OR51B5: variants seen among roughly 807,000 people sequenced by gnomAD.
The protein encoded by OR51B5 is olfactory receptor 51B5.
For missense variants in OR51B5, 456 were observed against 374.6 expected (o/e 1.22, Z -1.79); for synonymous variants, 186 against 144.8 (o/e 1.28, Z -2.04).
At chr11:5,358,205 C>G (rs1468095783) in intron 1 of OR51B5, among the ~76,000 whole-genome samples, 2 of 152,114 alleles carry the variant, frequency 1.3e-5, no homozygotes. Context: ...AATCCAGAAG[C>G]TGGTTTTTCA....
intron 1 of OR51B5, among the ~76,000 whole-genome samples, chr11:5,504,892 GCAAGGATTC>G (rs1379389005): frequency 6.6e-6 from 1 of 152,180 alleles, no homozygotes; most frequent in Non-Finnish European, 1.5e-5. Context: ...TGAAGCTAGA[GCAAGGATTC>G]CAAGCACCCA....
At chr11:5,365,837 G>A (rs771635694) in intron 1 of OR51B5, among the ~76,000 whole-genome samples, 1 of 152,168 alleles carries the variant, frequency 6.6e-6, no homozygotes, top group Non-Finnish European at 1.5e-5. Flanking sequence ...GTGCTGGCTT[G>A]ATGACAGGAT....
At chr11:5,441,714 C>G (rs564451625) in intron 1 of OR51B5, among the ~76,000 whole-genome samples, 64 of 152,286 alleles carry the variant, frequency 4.2e-4, no homozygotes, top group Non-Finnish European at 7.8e-4. Flanking sequence ...GCCCTGCTCA[C>G]TATCTAGGCC....
intron 1 of OR51B5, chr11:5,391,273 A>G (rs1849791712): frequency 6.6e-6 from 1 of 152,202 alleles, no homozygotes; most frequent in African/African-American, 2.4e-5. Context: ...TTGCTTCCTC[A>G]AGGACATTTT....
chr11:5,359,073 A>G (rs1222656525), intron 1 of OR51B5, among the ~76,000 whole-genome samples: 1 of 152,208 alleles, frequency 6.6e-6, no homozygotes, highest in Non-Finnish European at 1.5e-5. Flanking sequence ...ATTCCCTTTG[A>G]AAACTGGCAC....
intron 1 of OR51B5, among the ~76,000 whole-genome samples, chr11:5,415,015 A>G (rs535263453): frequency 2.4e-3 from 361 of 152,210 alleles, no homozygotes; most frequent in African/African-American, 8.3e-3. Flanking sequence ...AATTGACCAC[A>G]TAGTTGGCAG....
intron 1 of OR51B5, among the ~76,000 whole-genome samples, chr11:5,484,295 G>A (rs183762635): frequency 2.8e-4 from 43 of 152,226 alleles, no homozygotes; most frequent in African/African-American, 9.1e-4. Flanking sequence ...GTTCAATATC[G>A]TTTTCCCACT....
intron 1 of OR51B5, among the ~76,000 whole-genome samples, chr11:5,415,872 T>C (rs938521174): frequency 6.6e-6 from 1 of 151,226 alleles, no homozygotes; most frequent in African/African-American, 2.4e-5. Flanking sequence ...TACCATTCCT[T>C]CTGAAACTAT....
chr11:5,500,486 G>T (rs1427887823), intron 1 of OR51B5, among the ~76,000 whole-genome samples: 1 of 148,904 alleles, frequency 6.7e-6, no homozygotes, highest in African/African-American at 2.4e-5. Context: ...AATGGAGCCA[G>T]AAGATCCATT....
intron 1 of OR51B5, among the ~76,000 whole-genome samples, chr11:5,494,433 T>G (rs905422946): frequency 1.3e-5 from 2 of 152,166 alleles, no homozygotes; most frequent in Non-Finnish European, 2.9e-5. Flanking sequence ...AGGAGCTCCG[T>G]CCACATTACC....
intron 1 of OR51B5, among the ~76,000 whole-genome samples, chr11:5,417,412 C>A (rs572177807): frequency 6.3e-4 from 95 of 151,940 alleles, no homozygotes; most frequent in Non-Finnish European, 1.2e-3. Flanking sequence ...GCAATAAAAG[C>A]CAAAATTGAC....
intron 1 of OR51B5, among the ~76,000 whole-genome samples, chr11:5,384,811 G>C (rs1433607989): frequency 6.6e-6 from 1 of 152,144 alleles, no homozygotes; most frequent in Non-Finnish European, 1.5e-5. Flanking sequence ...CAGTATCCAG[G>C]ATATGGCCTT....
intron 1 of OR51B5, among the ~76,000 whole-genome samples, chr11:5,479,491 G>A (rs1851379806): frequency 6.7e-6 from 1 of 150,044 alleles, no homozygotes; most frequent in Non-Finnish European, 1.5e-5. Flanking sequence ...ATAATGACAG[G>A]ATCAAATTCA....
At chr11:5,420,938 T>G (rs538032929) in intron 1 of OR51B5, among the ~76,000 whole-genome samples, 1 of 152,318 alleles carries the variant, frequency 6.6e-6, no homozygotes, top group African/African-American at 2.4e-5. Context: ...TGCACAATAT[T>G]TCTTTCAACT....
intron 1 of OR51B5, among the ~76,000 whole-genome samples, chr11:5,449,740 G>A (rs930210637): frequency 4.6e-5 from 7 of 152,136 alleles, no homozygotes; most frequent in African/African-American, 1.4e-4. Flanking sequence ...AAGGGAAGTG[G>A]TCACAACCTA....
chr11:5,342,910 A>G (rs1431063201), exon 1 of OR51B5: 2 of 1,613,916 alleles, frequency 1.2e-6, no homozygotes, highest in Non-Finnish European at 1.7e-6. Context: ...AATCCAGCAC[A>G]AATATAAAGA....
chr11:5,475,467 C>A (rs1286523355), intron 1 of OR51B5, among the ~76,000 whole-genome samples: 3 of 152,134 alleles, frequency 2.0e-5, no homozygotes, highest in Non-Finnish European at 4.4e-5. Context: ...TTTCCCTTCA[C>A]TGGGCTAGTT....
At chr11:5,369,356 A>G (rs1849417917) in intron 1 of OR51B5, among the ~76,000 whole-genome samples, 1 of 152,190 alleles carries the variant, frequency 6.6e-6, no homozygotes, top group Admixed American at 6.6e-5. Flanking sequence ...TACTATTAAC[A>G]ATAATATTTT....
intron 1 of OR51B5, among the ~76,000 whole-genome samples, chr11:5,483,552 G>C: frequency 8.1e-6 from 1 of 123,250 alleles, no homozygotes. Flanking sequence ...AGAAAGTACA[G>C]CTAAAAAAAA....
Sources: allele counts gnomAD v4.1 joint callset (sites outside exome capture counted in the v4.1 genomes callset), GRCh38; gene constraint gnomAD v4.1.1; transcripts MANE v1.5; gene names NCBI Gene and HGNC (gene_info 2026-07-23, HGNC 2026-07-21).